CALN1: variants seen among roughly 807,000 people sequenced by gnomAD.
CALN1 encodes calneuron 1.
A neutral mutation model predicts 30.6 loss-of-function variants in CALN1; 17 were observed. That is an observed-to-expected ratio of 0.56 (90% CI 0.38 to 0.83). The LOEUF (loss-of-function observed/expected upper bound fraction) is 0.83, where lower values mean the gene tolerates loss of function less well. Ranked by LOEUF, CALN1 falls within the 40% of genes least tolerant of loss-of-function variation. The pLI is 0.00. For synonymous variants in CALN1, 156 were observed against 131.4 expected, an observed-to-expected ratio of 1.19 and a Z score of -1.28; for missense variants, 291 against 354.9, an observed-to-expected ratio of 0.82 and a Z score of 1.45.
intron 5 of CALN1, among the ~76,000 whole-genome samples, chr7:72,006,683 AT>A (rs2129528920): frequency 6.6e-6 from 1 of 152,340 alleles, no homozygotes; most frequent in African/African-American, 2.4e-5. Flanking sequence ...CAAGAAAAAA[AT>A]AATGGATGGA....
At chr7:72,407,603 T>C (rs948950944) in intron 1 of CALN1, among the ~76,000 whole-genome samples, 3 of 152,200 alleles carry the variant, frequency 2.0e-5, no homozygotes, top group African/African-American at 7.2e-5. Flanking sequence ...AATTGTAAGT[T>C]TCCTGAGGCC....
intron 3 of CALN1, among the ~76,000 whole-genome samples, chr7:72,123,830 G>A (rs1029076852): frequency 2.7e-4 from 41 of 152,114 alleles, no homozygotes; most frequent in African/African-American, 9.9e-4. Context: ...TAAAATTGCC[G>A]ACTCTCTCAT....
intron 1 of CALN1, among the ~76,000 whole-genome samples, chr7:72,423,816 CA>C (rs965346993): frequency 3.9e-4 from 33 of 84,822 alleles, no homozygotes; most frequent in African/African-American, 3.4e-4. Flanking sequence ...GACCTTGTCT[CA>C]AAAAAAAAAG....
chr7:71,846,048 G>A (rs1369737543), intron 5 of CALN1, among the ~76,000 whole-genome samples: 2 of 151,946 alleles, frequency 1.3e-5, no homozygotes, highest in Non-Finnish European at 2.9e-5. Context: ...GCCAAACTCG[G>A]TCTCCAAAAA....
chr7:72,341,086 G>A (rs1359143626), intron 2 of CALN1, among the ~76,000 whole-genome samples: 1 of 152,196 alleles, frequency 6.6e-6, no homozygotes, highest in Non-Finnish European at 1.5e-5. Flanking sequence ...ATGGGTCGCA[G>A]GCAGATGAAC....
intron 5 of CALN1, among the ~76,000 whole-genome samples, chr7:71,844,221 T>G (rs1790108295): frequency 6.6e-6 from 1 of 152,220 alleles, no homozygotes. Flanking sequence ...GTGATCTATG[T>G]CATTCCATCA....
Position 72,149,201 on chromosome 7 carries a change from C to T in CALN1, c.245-42907G>A, listed in dbSNP as rs940373457. Among the ~76,000 whole-genome samples the T allele has an allele frequency of 2.6e-5, 4 of 152,040 alleles. No homozygotes were observed. In the South Asian group the frequency reaches 8.3e-4, roughly 32 times the overall value. On this transcript the variant is annotated intron_variant, in intron 3 of 6. Coordinates refer to ENST00000395275, the MANE Select transcript of CALN1 (RefSeq NM_031468.4). ...CTATTCTTGGCCAGGCACAGCGGCT[C>T]GCATCTGTAATCCCAGCACTTTGGG... is the stretch of plus-strand genomic sequence containing the variant.
chr7:72,408,088 G>A (rs1806828504), intron 1 of CALN1, among the ~76,000 whole-genome samples: 1 of 151,896 alleles, frequency 6.6e-6, no homozygotes, highest in Admixed American at 6.6e-5. Flanking sequence ...AACATATATT[G>A]AACACACATT....
At chr7:72,005,928 AC>A (rs1391300669) in intron 5 of CALN1, among the ~76,000 whole-genome samples, 1 of 152,236 alleles carries the variant, frequency 6.6e-6, no homozygotes. Flanking sequence ...GGAAGTCAAC[AC>A]ACTTTCACAT....
chr7:71,974,028 G>A (rs1797979183), intron 5 of CALN1, among the ~76,000 whole-genome samples: 1 of 152,104 alleles, frequency 6.6e-6, no homozygotes, highest in Non-Finnish European at 1.5e-5. Context: ...AGTAGTCCAG[G>A]CTGGCCTTCC....
intron 2 of CALN1, among the ~76,000 whole-genome samples, chr7:72,283,510 G>A (rs1797871323): frequency 7.4e-6 from 1 of 135,764 alleles, no homozygotes; most frequent in African/African-American, 2.8e-5. Flanking sequence ...ACTCCAGCCT[G>A]AGTGACAGAG....
chr7:72,220,438 A>G (rs1292357341), intron 3 of CALN1, among the ~76,000 whole-genome samples: 1 of 151,318 alleles, frequency 6.6e-6, no homozygotes, highest in Non-Finnish European at 1.5e-5. Context: ...AATCCAGTCT[A>G]TTGTTGTTGG....
the CALN1 span, among the ~76,000 whole-genome samples, chr7:72,503,868 T>C: frequency 2.8e-4 from 43 of 152,128 alleles, no homozygotes; most frequent in African/African-American, 1.0e-3. Flanking sequence ...CCCTACACCG[T>C]CAGTCAAGGC....
chr7:72,157,090 T>A (rs1787742397), intron 3 of CALN1, among the ~76,000 whole-genome samples: 1 of 152,192 alleles, frequency 6.6e-6, no homozygotes, highest in Admixed American at 6.5e-5. Context: ...ACCAGCAGAA[T>A]GTACAAACCA....
At chr7:72,431,954 TC>T (rs1178404091) in intron 1 of CALN1, among the ~76,000 whole-genome samples, 1 of 152,034 alleles carries the variant, frequency 6.6e-6, no homozygotes, top group Non-Finnish European at 1.5e-5. Context: ...AGGCAGCCAG[TC>T]CTATTAAACT....
intron 2 of CALN1, among the ~76,000 whole-genome samples, chr7:72,389,433 A>G (rs1374011306): frequency 2.0e-5 from 3 of 152,230 alleles, no homozygotes; most frequent in Non-Finnish European, 4.4e-5. Context: ...AAGCCTTAAA[A>G]GTGTCAGAGG....
At chr7:72,357,830 TTATATATTTA>T (rs895356025) in intron 2 of CALN1, among the ~76,000 whole-genome samples, 9 of 146,658 alleles carry the variant, frequency 6.1e-5, no homozygotes, top group South Asian at 2.1e-4. Context: ...ATATATATTT[TTATATATTTA>T]TATATATTTA....
At chr7:72,151,382 A>G (rs1329180543) in intron 3 of CALN1, among the ~76,000 whole-genome samples, 1 of 152,134 alleles carries the variant, frequency 6.6e-6, no homozygotes, top group African/African-American at 2.4e-5. Context: ...TTATAAGGAC[A>G]CTAGTATTAG....
At chr7:72,148,936 AG>A (rs1786994836) in intron 3 of CALN1, among the ~76,000 whole-genome samples, 1 of 141,478 alleles carries the variant, frequency 7.1e-6, no homozygotes, top group East Asian at 2.4e-4. Flanking sequence ...AAGAAAAAAA[AG>A]AAGGAAGGAA....
Sources: gnomAD v4.1 joint callset for allele counts (sites outside exome capture counted in the v4.1 genomes callset) on GRCh38, gnomAD v4.1.1 for gene constraint, MANE v1.5 for transcripts, NCBI Gene and HGNC (gene_info 2026-07-23, HGNC 2026-07-21) for gene names.